The following GRK5 variants were observed in gnomAD, a reference collection of about 807,000 sequenced individuals.
GRK5 encodes the protein G protein-coupled receptor kinase 5.
In GRK5, 40 loss-of-function variants were observed where a neutral mutation model predicts 78.4. The observed-to-expected ratio is 0.51, with a 90% CI of 0.40 to 0.66. The LOEUF is 0.66. Ranked by LOEUF, GRK5 falls within the 30% of genes least tolerant of loss-of-function variation. The pLI is 0.00. For missense variants in GRK5, 598 were observed against 759.9 expected (o/e 0.79, Z 2.50); for synonymous variants, 289 against 296.8 (o/e 0.97, Z 0.27).
intron 3 of GRK5, among the ~76,000 whole-genome samples, chr10:119,386,178 C>T (rs1382501965): frequency 6.6e-6 from 1 of 152,202 alleles, no homozygotes; most frequent in Non-Finnish European, 1.5e-5. Flanking sequence ...AGCCTCCATG[C>T]CCAGCCTTGG....
intron 1 of GRK5, among the ~76,000 whole-genome samples, chr10:119,249,862 T>C (rs1205416175): frequency 1.3e-5 from 2 of 152,228 alleles, no homozygotes; most frequent in Non-Finnish European, 2.9e-5. Context: ...TTATTGTAAG[T>C]GCATAACTCT....
chr10:119,313,056 ATGATGGTGGTGGTGATGG>A (rs1400643667), intron 1 of GRK5, among the ~76,000 whole-genome samples: 3 of 123,180 alleles, frequency 2.4e-5, no homozygotes, highest in Non-Finnish European at 3.5e-5. Flanking sequence ...GGTGGTAATG[ATGATGGTGGTGGTGATGG>A]TGGTGGTGGT....
chr10:119,332,155 A>G (rs56673990), intron 2 of GRK5, among the ~76,000 whole-genome samples: 13,497 of 146,972 alleles, frequency 0.092, 1,038 homozygotes, highest in African/African-American at 0.21. Context: ...CGCTCAGGCT[A>G]GAGTGCAGTG....
At chr10:119,365,341 CT>C (rs927628189) in intron 2 of GRK5, among the ~76,000 whole-genome samples, 3 of 152,158 alleles carry the variant, frequency 2.0e-5, no homozygotes, top group African/African-American at 7.2e-5. Context: ...TTTTTTCCCC[CT>C]CTTGATGATT....
chr10:119,324,487 G>C (rs1366883350), intron 1 of GRK5, among the ~76,000 whole-genome samples: 1 of 152,218 alleles, frequency 6.6e-6, no homozygotes, highest in South Asian at 2.1e-4. Flanking sequence ...AATTAGCCGG[G>C]TGCGGTGGTG....
intron 1 of GRK5, among the ~76,000 whole-genome samples, chr10:119,242,549 A>G (rs960883825): frequency 1.3e-5 from 2 of 149,388 alleles, no homozygotes; most frequent in African/African-American, 5.0e-5. Flanking sequence ...CACACGAGAT[A>G]CACCAAAGCA....
At chr10:119,248,334 TA>T (rs1849147440) in intron 1 of GRK5, among the ~76,000 whole-genome samples, 1 of 152,196 alleles carries the variant, frequency 6.6e-6, no homozygotes, top group East Asian at 1.9e-4. Flanking sequence ...TTTTGATCCA[TA>T]AAAAGAGGGT....
chr10:119,338,305 T>A (rs538617977), intron 2 of GRK5, among the ~76,000 whole-genome samples: 10 of 152,324 alleles, frequency 6.6e-5, no homozygotes, highest in Admixed American at 5.9e-4. Flanking sequence ...TGCAGCTTTT[T>A]CAATCTCCCT....
intron 1 of GRK5, among the ~76,000 whole-genome samples, chr10:119,301,415 C>T (rs1850179317): frequency 6.6e-6 from 1 of 152,182 alleles, no homozygotes; most frequent in Non-Finnish European, 1.5e-5. Context: ...GGTTCATTCT[C>T]GCTGCTGAGT....
chr10:119,346,606 A>G (rs1851099251), intron 2 of GRK5, among the ~76,000 whole-genome samples: 1 of 152,060 alleles, frequency 6.6e-6, no homozygotes, highest in Admixed American at 6.5e-5. Context: ...TCTCTGGGAC[A>G]TGTGGGCTGG....
chr10:119,382,492 A>ACC (rs1241851198), intron 3 of GRK5, among the ~76,000 whole-genome samples: 1 of 152,046 alleles, frequency 6.6e-6, no homozygotes, highest in Non-Finnish European at 1.5e-5. Context: ...GGCACCCTTC[A>ACC]CCCCACCTTT....
At chr10:119,260,280 C>T (rs1476374148) in intron 1 of GRK5, among the ~76,000 whole-genome samples, 1 of 151,966 alleles carries the variant, frequency 6.6e-6, no homozygotes, top group Non-Finnish European at 1.5e-5. Flanking sequence ...GGATTACAGG[C>T]GTGAGCCGCC....
chr10:119,230,674 C>T (rs1378039464), intron 1 of GRK5, among the ~76,000 whole-genome samples: 7 of 151,520 alleles, frequency 4.6e-5, no homozygotes, highest in Non-Finnish European at 1.0e-4. Flanking sequence ...CCCATCTCTA[C>T]AAAAAATAAA....
At chr10:119,443,439 G>A in intron 11 of GRK5, 105 bp from the exon 12 acceptor site, 1 of 982,840 alleles carries the variant, frequency 1.0e-6, no homozygotes, top group Non-Finnish European at 1.5e-6. Context: ...ACAGCAGTTG[G>A]TGGGGTAAGA....
intron 4 of GRK5, among the ~76,000 whole-genome samples, chr10:119,415,182 G>A (rs537446130): frequency 1.3e-5 from 2 of 152,254 alleles, no homozygotes; most frequent in South Asian, 2.1e-4. Flanking sequence ...GGTGAGGCTG[G>A]AAGAACGGTC....
intron 1 of GRK5, among the ~76,000 whole-genome samples, chr10:119,293,551 G>A (rs894900681): frequency 3.9e-5 from 6 of 152,226 alleles, no homozygotes; most frequent in Non-Finnish European, 7.3e-5. Context: ...ACCTTTGGCC[G>A]TGGGCATTGG....
In GRK5 at chr10:119,431,352, G is replaced by A. The variant is rs1170225498; in HGVS notation, c.598-35G>A. The A allele has an allele frequency of 1.3e-6, 2 of 1,598,606 alleles. No individual in the cohort carries two copies. The highest frequency in any genetic ancestry group is 1.7e-6 in the Non-Finnish European group (2 of 1,172,096). ...GGAGCTCGGGGCAGGCCTCCACGGT[G>A]CTCCTGCCACCCTGGTTTCTTTCTT... On this transcript the variant is annotated intron_variant, in intron 7 of 15. Transcript: ENST00000392870. The surrounding 1 kb of genome is among the most constrained non-coding windows in gnomAD (Gnocchi z 4.8).
chr10:119,396,924 C>T (rs1852065000), intron 4 of GRK5, 152 bp downstream of exon 4: 1 of 705,954 alleles, frequency 1.4e-6, no homozygotes, highest in Non-Finnish European at 2.5e-6. Context: ...CCCATCCTCC[C>T]CCAGAGAGTG....
chr10:119,209,499 T>G (rs1331122179), intron 1 of GRK5, among the ~76,000 whole-genome samples: 16 of 56,000 alleles, frequency 2.9e-4, no homozygotes, highest in African/African-American at 1.2e-3. Context: ...TTTTTTTTTT[T>G]TTTTTTTTTT....
Sources: gnomAD v4.1 joint callset for allele counts (sites outside exome capture counted in the v4.1 genomes callset) on GRCh38, gnomAD v4.1.1 for gene constraint, Gnocchi (gnomAD v3.1) non-coding constraint, MANE v1.5 for transcripts, NCBI Gene and HGNC (gene_info 2026-07-23, HGNC 2026-07-21) for gene names.